Variants in SPOCK1 observed in about 807,000 individuals in gnomAD.
The protein encoded by SPOCK1 is testican-1.
In SPOCK1, 23 loss-of-function variants were observed where a neutral mutation model predicts 55.3. That is an observed-to-expected ratio of 0.42 (90% confidence interval 0.30 to 0.59). The LOEUF (loss-of-function observed/expected upper bound fraction) is 0.59. Ranked by LOEUF, SPOCK1 falls within the 20% of genes least tolerant of loss-of-function variation. The pLI is 0.22. For missense variants in SPOCK1, 499 were observed against 552.5 expected (o/e 0.90, Z 0.97); for synonymous variants, 226 against 221.0 (o/e 1.02, Z -0.20).
intron 2 of SPOCK1, among the ~76,000 whole-genome samples, chr5:137,420,520 G>T (rs1213811103): frequency 1.3e-5 from 2 of 152,060 alleles, no homozygotes; most frequent in African/African-American, 2.4e-5. Flanking sequence ...CCTGGTTTAG[G>T]CTTGGGAGTT....
intron 2 of SPOCK1, among the ~76,000 whole-genome samples, chr5:137,392,143 C>T (rs1751737815): frequency 6.6e-6 from 1 of 152,122 alleles, no homozygotes; most frequent in African/African-American, 2.4e-5. Context: ...CCTTTCAGGT[C>T]ACTCCTTCAC....
At chr5:137,349,115 G>A (rs1750624080) in intron 2 of SPOCK1, among the ~76,000 whole-genome samples, 1 of 152,224 alleles carries the variant, frequency 6.6e-6, no homozygotes, top group Non-Finnish European at 1.5e-5. Context: ...AGGCAGGCAA[G>A]CTGCTGAGTC....
At chr5:137,126,922 G>T (rs897264527) in intron 4 of SPOCK1, among the ~76,000 whole-genome samples, 2 of 152,150 alleles carry the variant, frequency 1.3e-5, no homozygotes, top group African/African-American at 4.8e-5. Flanking sequence ...GAAGTGGCCT[G>T]GCTCCTCCTG....
chr5:137,433,427 C>G (rs1752791498), intron 2 of SPOCK1, among the ~76,000 whole-genome samples: 1 of 152,182 alleles, frequency 6.6e-6, no homozygotes, highest in Non-Finnish European at 1.5e-5. Flanking sequence ...GCACCTAGGA[C>G]TCTCTTAGCA....
At chr5:137,444,373 G>A (rs1753078750) in intron 2 of SPOCK1, among the ~76,000 whole-genome samples, 1 of 152,198 alleles carries the variant, frequency 6.6e-6, no homozygotes. Flanking sequence ...TCTGCCTGGT[G>A]TCACAATAGG....
rs756446384 is a variant in SPOCK1 at position 137,140,541 on chromosome 5, A to G, written c.347+39T>C. 3.2e-6 allele frequency: 5 copies of G among 1,547,508 alleles called. No homozygotes were observed. In the African/African-American group the frequency reaches 6.8e-5, roughly 21 times the overall value. ...AACCCTCAGATCTGCCAGCTGCAGA[A>G]TGCCTCCCAGCCCCCAGCCCCCGGC... On this transcript the variant is annotated intron_variant, in intron 4 of 10. Coordinates refer to ENST00000394945, the MANE Select transcript of SPOCK1 (RefSeq NM_004598.4).
At chr5:136,990,026 T>TC (rs1451366980) in intron 7 of SPOCK1, among the ~76,000 whole-genome samples, 4 of 152,080 alleles carry the variant, frequency 2.6e-5, no homozygotes, top group Admixed American at 6.5e-5. Context: ...TTCTCCTGCC[T>TC]AGCCTCCTGA....
chr5:137,200,471 C>T (rs182404627), intron 3 of SPOCK1, among the ~76,000 whole-genome samples: 1 of 152,286 alleles, frequency 6.6e-6, no homozygotes, highest in African/African-American at 2.4e-5. Flanking sequence ...CTGATTTAGC[C>T]TGATTGCTGG....
intron 6 of SPOCK1, among the ~76,000 whole-genome samples, chr5:137,058,544 T>G (rs1487089524): frequency 2.0e-5 from 3 of 152,338 alleles, no homozygotes; most frequent in Non-Finnish European, 4.4e-5. Flanking sequence ...CATTTGACAT[T>G]TGTCAGTCAT....
At chr5:137,162,313 ATTTT>A (rs1172836471) in intron 3 of SPOCK1, among the ~76,000 whole-genome samples, 1 of 151,418 alleles carries the variant, frequency 6.6e-6, no homozygotes, top group Non-Finnish European at 1.5e-5. Flanking sequence ...AATTTTTTGT[ATTTT>A]TAGTAGAGAC....
chr5:136,987,209 A>G (rs1750860391), intron 8 of SPOCK1, among the ~76,000 whole-genome samples: 2 of 152,094 alleles, frequency 1.3e-5, no homozygotes. Context: ...GGCTTCTTAG[A>G]AGCCATAAAA....
chr5:137,379,243 A>G (rs1308594266), intron 2 of SPOCK1, among the ~76,000 whole-genome samples: 1 of 150,704 alleles, frequency 6.6e-6, no homozygotes, highest in African/African-American at 2.4e-5. Flanking sequence ...GGAACTAATA[A>G]TGTCAGGATC....
chr5:137,469,786 T>A (rs1753693393), intron 2 of SPOCK1, among the ~76,000 whole-genome samples: 1 of 152,148 alleles, frequency 6.6e-6, no homozygotes, highest in Non-Finnish European at 1.5e-5. Context: ...GGGGATGGAC[T>A]GGTGATATGG....
At chr5:137,160,689 T>C (rs1754537973) in intron 3 of SPOCK1, among the ~76,000 whole-genome samples, 1 of 119,478 alleles carries the variant, frequency 8.4e-6, no homozygotes, top group Non-Finnish European at 1.6e-5. Context: ...ATGTTATATA[T>C]ATATGGCCAT....
intron 6 of SPOCK1, among the ~76,000 whole-genome samples, chr5:137,015,175 C>A (rs1751427460): frequency 6.6e-6 from 1 of 151,998 alleles, no homozygotes; most frequent in African/African-American, 2.4e-5. Context: ...GGCACGGTGG[C>A]CCATGCCTGT....
chr5:137,138,659 T>A (rs995543564), intron 4 of SPOCK1, among the ~76,000 whole-genome samples: 12 of 151,906 alleles, frequency 7.9e-5, no homozygotes, highest in Non-Finnish European at 1.3e-4. Context: ...CTAGGCTAGT[T>A]TTCTCAGATA....
chr5:137,038,596 T>A (rs552455236), intron 6 of SPOCK1, among the ~76,000 whole-genome samples: 3 of 152,334 alleles, frequency 2.0e-5, no homozygotes, highest in South Asian at 2.1e-4. Flanking sequence ...GTGAGGAGCT[T>A]TGCAGTGGCT....
chr5:137,456,462 A>G (rs1218796292), intron 2 of SPOCK1, among the ~76,000 whole-genome samples: 1 of 152,190 alleles, frequency 6.6e-6, no homozygotes, highest in Non-Finnish European at 1.5e-5. Flanking sequence ...TTCTCTAACT[A>G]TATTAAATGC....
At chr5:137,447,831 C>T (rs1753161473) in intron 2 of SPOCK1, among the ~76,000 whole-genome samples, 1 of 152,200 alleles carries the variant, frequency 6.6e-6, no homozygotes, top group African/African-American at 2.4e-5. Flanking sequence ...CCAAAAACAT[C>T]AGCAACCTCG....
Sources: allele counts gnomAD v4.1 joint callset (sites outside exome capture counted in the v4.1 genomes callset), GRCh38; gene constraint gnomAD v4.1.1; transcripts MANE v1.5; gene names NCBI Gene and HGNC (gene_info 2026-07-23, HGNC 2026-07-21).